Variants in ZNF827 observed in about 807,000 individuals in gnomAD.
The protein encoded by ZNF827 is zinc finger protein 827.
In ZNF827, 13 loss-of-function variants were observed where a neutral mutation model predicts 102.4. The ratio of observed to expected loss-of-function variants is 0.13; its 90% CI spans 0.08 to 0.20. ZNF827 has a LOEUF of 0.20. ZNF827 is among the 10% of genes least tolerant of loss of function. The probability of loss-of-function intolerance (pLI) is 1.00; values close to 1 mark genes in which losing one functional copy is unlikely to be tolerated. For synonymous variants in ZNF827, 523 were observed against 536.2 expected, an observed-to-expected ratio of 0.98 and a Z score of 0.34; for missense variants, 1,103 against 1,344.4, an observed-to-expected ratio of 0.82 and a Z score of 2.81.
intron 2 of ZNF827, among the ~76,000 whole-genome samples, chr4:145,893,573 G>A (rs1750767052): frequency 6.6e-6 from 1 of 152,156 alleles, no homozygotes; most frequent in African/African-American, 2.4e-5. Context: ...TAAAAAAGTG[G>A]AAATCAGTCA....
At chr4:145,933,507 T>A (rs1304658162) in intron 1 of ZNF827, among the ~76,000 whole-genome samples, 2 of 152,212 alleles carry the variant, frequency 1.3e-5, no homozygotes, top group Non-Finnish European at 2.9e-5. Flanking sequence ...CCCGTTGCTT[T>A]TCAGTCATTT....
intron 4 of ZNF827, among the ~76,000 whole-genome samples, chr4:145,884,178 C>T (rs1391706285): frequency 6.6e-6 from 1 of 152,132 alleles, no homozygotes; most frequent in Non-Finnish European, 1.5e-5. Flanking sequence ...CTGTTACATT[C>T]CCCGCTCTTT....
intron 8 of ZNF827, among the ~76,000 whole-genome samples, chr4:145,810,489 C>A (rs1741902482): frequency 2.6e-5 from 4 of 152,062 alleles, no homozygotes; most frequent in Admixed American, 2.6e-4. Flanking sequence ...GATATAAACT[C>A]AAAAATAAAA....
chr4:145,787,989 G>GA (rs921186708), intron 8 of ZNF827, among the ~76,000 whole-genome samples: 20 of 152,092 alleles, frequency 1.3e-4, no homozygotes, highest in African/African-American at 4.8e-4. Flanking sequence ...TTACATATAA[G>GA]AAAACTGAGG....
chr4:145,908,723 G>A (rs1222157790), intron 1 of ZNF827, among the ~76,000 whole-genome samples: 2 of 152,178 alleles, frequency 1.3e-5, no homozygotes, highest in Non-Finnish European at 2.9e-5. Context: ...ACTATGTTCA[G>A]GGAACTGTTC....
intron 4 of ZNF827, among the ~76,000 whole-genome samples, chr4:145,885,142 A>C (rs937211406): frequency 2.0e-5 from 3 of 152,166 alleles, no homozygotes; most frequent in Non-Finnish European, 4.4e-5. Flanking sequence ...AAAATTTCCC[A>C]TTAAAAAAAC....
chr4:145,860,400 T>C (rs1027582740), intron 5 of ZNF827, among the ~76,000 whole-genome samples: 2 of 152,078 alleles, frequency 1.3e-5, no homozygotes, highest in African/African-American at 4.8e-5. Context: ...ATAGGGGAAG[T>C]GTGTACATAT....
chr4:145,796,663 CT>C (rs1740420833), intron 8 of ZNF827, among the ~76,000 whole-genome samples: 1 of 106,232 alleles, frequency 9.4e-6, no homozygotes, highest in African/African-American at 4.0e-5. Flanking sequence ...GGGTTTTGCT[CT>C]TGTTGCCCAG....
At chr4:145,861,090 A>C (rs879640618) in intron 5 of ZNF827, among the ~76,000 whole-genome samples, 3 of 152,188 alleles carry the variant, frequency 2.0e-5, no homozygotes, top group Non-Finnish European at 1.5e-5. Flanking sequence ...TTCCCTTCTC[A>C]AGGGGTAGGT....
intron 7 of ZNF827, among the ~76,000 whole-genome samples, chr4:145,841,935 AC>A (rs936255575): frequency 4.6e-5 from 7 of 152,184 alleles, no homozygotes; most frequent in African/African-American, 1.7e-4. Flanking sequence ...AAAAAACAAA[AC>A]AAAAAAATGG....
chr4:145,877,039 C>A (rs1027952988), intron 4 of ZNF827, among the ~76,000 whole-genome samples: 3 of 151,902 alleles, frequency 2.0e-5, no homozygotes, highest in Admixed American at 2.0e-4. Flanking sequence ...CACCAAATAG[C>A]AACTTTTTTT....
At chr4:145,770,174 C>T (rs1736025459) in intron 11 of ZNF827, among the ~76,000 whole-genome samples, 1 of 152,092 alleles carries the variant, frequency 6.6e-6, no homozygotes, top group Non-Finnish European at 1.5e-5. Flanking sequence ...TGCCCCATGC[C>T]TATGATCCCA....
chr4:145,768,916 T>TATATATATATAGATATATATATAAAA (rs34051922), intron 11 of ZNF827, among the ~76,000 whole-genome samples: 1 of 34,416 alleles, frequency 2.9e-5, no homozygotes, highest in East Asian at 1.4e-3. Flanking sequence ...TATATATATA[T>TATATATATATAGATATATATATAAAA]TAGGTATACA....
At chr4:145,877,178 C>T (rs1177394438) in intron 4 of ZNF827, among the ~76,000 whole-genome samples, 5 of 152,182 alleles carry the variant, frequency 3.3e-5, no homozygotes, top group African/African-American at 1.2e-4. Flanking sequence ...GAGGATTATA[C>T]GATCTTTTGA....
At chr4:145,774,326 C>A (rs1284648448) in intron 11 of ZNF827, among the ~76,000 whole-genome samples, 180 bp downstream of exon 11, 1 of 152,092 alleles carries the variant, frequency 6.6e-6, no homozygotes. Flanking sequence ...ACAAGGCATG[C>A]CAGGAAACAG....
chr4:145,937,454 T>C lies in ZNF827; in HGVS notation c.43+911A>G, dbSNP rs377597133. The stretch of plus-strand genomic sequence containing the variant: ...CCCTGCTCCTCCCTCTCCTCCGCTC[T>C]GCAGGGACCTCGCGCGCCGCGAGCC... On this transcript the variant is annotated intron_variant, in intron 1 of 14. Transcript: ENST00000508784. 5.3e-5 allele frequency among the ~76,000 whole-genome samples: 8 copies of C among 151,586 alleles called. No individual in the cohort carries two copies. The East Asian group carries it at 9.8e-4, about 18-fold the overall frequency.
At chr4:145,841,157 T>C (rs1177721664) in intron 7 of ZNF827, among the ~76,000 whole-genome samples, 1 of 152,146 alleles carries the variant, frequency 6.6e-6, no homozygotes, top group Non-Finnish European at 1.5e-5. Context: ...AGAGAACAAA[T>C]AACCAAGAGA....
intron 1 of ZNF827, among the ~76,000 whole-genome samples, chr4:145,915,480 C>A (rs1270868606): frequency 6.6e-6 from 1 of 151,998 alleles, no homozygotes; most frequent in East Asian, 1.9e-4. Flanking sequence ...ATAACCAACA[C>A]ACTCCCGAGA....
chr4:145,822,292 C>T (rs1050654145), intron 8 of ZNF827, among the ~76,000 whole-genome samples: 11 of 152,172 alleles, frequency 7.2e-5, no homozygotes, highest in African/African-American at 2.7e-4. Context: ...AGAAATGGAA[C>T]TACCCTTATG....
Sources: gnomAD v4.1 joint callset for allele counts (sites outside exome capture counted in the v4.1 genomes callset) on GRCh38, gnomAD v4.1.1 for gene constraint, MANE v1.5 for transcripts, NCBI Gene and HGNC (gene_info 2026-07-23, HGNC 2026-07-21) for gene names.